The following DRD2 variants were observed in gnomAD, a reference collection of about 807,000 sequenced individuals.
DRD2 encodes the protein dopamine receptor D2, also known as D(2) dopamine receptor.
Under a neutral mutation model 38.0 loss-of-function variants are expected in DRD2, and 8 were observed. That is an observed-to-expected ratio of 0.21 (90% CI 0.12 to 0.38). The LOEUF (loss-of-function observed/expected upper bound fraction) is 0.38, where lower values mean the gene tolerates loss of function less well. Among genes scored for constraint, DRD2 ranks in the 10% least tolerant of loss-of-function variants. The pLI, the probability that DRD2 is intolerant of heterozygous loss-of-function variation, is 1.00. For synonymous variants in DRD2, 230 were observed against 238.6 expected (o/e 0.96, Z 0.33); for missense variants, 403 against 607.7 (o/e 0.66, Z 3.54).
chr11:113,442,928 C>T (rs892192872), intron 1 of DRD2, among the ~76,000 whole-genome samples: 5 of 152,232 alleles, frequency 3.3e-5, no homozygotes, highest in South Asian at 2.1e-4. Flanking sequence ...CTGGGCTCCC[C>T]GAGGGAAGGC....
chr11:113,455,528 C>T (rs1315406451), intron 1 of DRD2, among the ~76,000 whole-genome samples: 1 of 152,068 alleles, frequency 6.6e-6, no homozygotes, highest in African/African-American at 2.4e-5. Flanking sequence ...ATTTGCAAAT[C>T]ATACATCAGA....
At chr11:113,417,073 A>G (rs1950834845) in intron 3 of DRD2, 74 bp from the exon 4 acceptor site, 2 of 1,570,306 alleles carry the variant, frequency 1.3e-6, no homozygotes, top group Admixed American at 1.8e-5. Context: ...CACACACCAG[A>G]GACACCCTCA....
At chr11:113,424,220 G>T in intron 2 of DRD2, 147 bp downstream of exon 2, 1 of 807,914 alleles carries the variant, frequency 1.2e-6, no homozygotes, top group Non-Finnish European at 2.0e-6. Context: ...TTCGTAAGGA[G>T]AAAAAGTAAG....
chr11:113,413,483 C>G, intron 6 of DRD2: 1 of 414,866 alleles, frequency 2.4e-6, no homozygotes. Context: ...CTGGGTTCTT[C>G]CATAGGTTCT....
chr11:113,413,285 CCT>C (rs1950788190), intron 6 of DRD2: 1 of 551,456 alleles, frequency 1.8e-6, no homozygotes, highest in African/African-American at 1.9e-5. Context: ...GGTGCCCACC[CCT>C]GTTCTCCCTG....
At position 113,414,758 on chromosome 11, in the gene DRD2, G is replaced by A. The variant is rs548649961; in HGVS notation, c.724-297C>T. Among the ~76,000 whole-genome samples, 25 of 152,328 alleles carry A rather than the reference G, an allele frequency of 1.6e-4. No individual in the cohort carries two copies. In the South Asian group the frequency reaches 5.2e-3, roughly 32 times the overall value. On this transcript the variant is annotated intron_variant, in intron 5 of 7. Coordinates refer to ENST00000362072, the MANE Select transcript of DRD2 (RefSeq NM_000795.4). ...TGGAATCCTCAAGACCACCCTGTGA[G>A]GCTGGTATTTTGATTCCCATTTAAC...
intron 1 of DRD2, among the ~76,000 whole-genome samples, chr11:113,462,821 C>T (rs571112680): frequency 6.6e-6 from 1 of 152,354 alleles, no homozygotes; most frequent in Admixed American, 6.5e-5. Context: ...CTCATTCACT[C>T]CTTCATCTAT....
intron 1 of DRD2, among the ~76,000 whole-genome samples, chr11:113,448,795 G>A (rs962020075): frequency 2.3e-4 from 35 of 152,316 alleles, no homozygotes; most frequent in Middle Eastern, 6.8e-3. Context: ...CTCTAAAGGA[G>A]CTGCACCACA....
chr11:113,439,952 T>G (rs1289112677), intron 1 of DRD2, among the ~76,000 whole-genome samples: 1 of 145,730 alleles, frequency 6.9e-6, no homozygotes, highest in Non-Finnish European at 1.5e-5. Flanking sequence ...AGGATTGCAA[T>G]TAAGGTCTCT....
At chr11:113,459,487 A>G (rs1951297225) in intron 1 of DRD2, among the ~76,000 whole-genome samples, 1 of 152,220 alleles carries the variant, frequency 6.6e-6, no homozygotes, top group African/African-American at 2.4e-5. Context: ...TAGATGACAG[A>G]ACTGAGACTA....
chr11:113,425,898 G>A (rs1052384703), intron 1 of DRD2, among the ~76,000 whole-genome samples: 10 of 152,218 alleles, frequency 6.6e-5, no homozygotes, highest in Middle Eastern at 3.4e-3. Context: ...TGGCAGTAAC[G>A]TTGAGGATAA....
intron 1 of DRD2, among the ~76,000 whole-genome samples, chr11:113,471,630 C>T (rs1022620201): frequency 6.6e-6 from 1 of 152,132 alleles, no homozygotes. Context: ...AGCAGAGTAC[C>T]TGGTAGGATG....
chr11:113,441,113 T>G lies in DRD2; in HGVS notation c.-31-16431A>C, dbSNP rs533047284. On this transcript the variant is annotated intron_variant, in intron 1 of 7. Coordinates refer to ENST00000362072, the MANE Select transcript of DRD2 (RefSeq NM_000795.4). ...CAGGGATCAGTTCAAGCTGCCAAGT[T>G]TGTGCAAATAACCCTCCAATGGATG... 2.0e-5 allele frequency among the ~76,000 whole-genome samples: 3 copies of G among 152,258 alleles called. No homozygotes were observed. In the South Asian group the frequency reaches 6.2e-4, roughly 32 times the overall value.
Position 113,432,596 on chromosome 11 carries a change from G to A in DRD2, c.-31-7914C>T, listed in dbSNP as rs1319199649. 4.6e-5 allele frequency among the ~76,000 whole-genome samples: 7 copies of A among 152,266 alleles called. No homozygotes were observed. The South Asian group carries it at 1.2e-3, about 27-fold the overall frequency. On this transcript the variant is annotated intron_variant, in intron 1 of 7. Coordinates refer to ENST00000362072, the MANE Select transcript of DRD2 (RefSeq NM_000795.4). The stretch of plus-strand genomic sequence containing the variant: ...ATCATTTTTTCCTCTTTTCTGAGAT[G>A]CAAAGCATTTCAATGAAAAAGTAGA...
At chr11:113,438,985 C>T (rs1951062852) in intron 1 of DRD2, among the ~76,000 whole-genome samples, 1 of 152,218 alleles carries the variant, frequency 6.6e-6, no homozygotes, top group Non-Finnish European at 1.5e-5. Context: ...TGAGAGCTGT[C>T]AGACCTAATT....
intron 1 of DRD2, among the ~76,000 whole-genome samples, chr11:113,462,541 A>C (rs1951333045): frequency 6.6e-6 from 1 of 152,174 alleles, no homozygotes; most frequent in Non-Finnish European, 1.5e-5. Context: ...GAGCGCCAGG[A>C]GCCATGGGGA....
rs1269225476 is a variant in DRD2 at position 113,424,285 on chromosome 11, G to A, written c.285+82C>T. 3.4e-6 allele frequency: 5 copies of A among 1,490,954 alleles called. No homozygotes were observed. The East Asian group carries it at 9.7e-5, about 29-fold the overall frequency. 92.4% of individuals were successfully genotyped at this position (1,490,954 alleles called of 1,614,324 possible). A position where few individuals can be genotyped will look rare whatever the true frequency, so the allele number is the denominator to read the frequency against. On this transcript the variant is annotated intron_variant, in intron 2 of 7. Transcript: ENST00000362072. ...AGCACCAGGAAACTCATTGGTAAAA[G>A]CCAGTGGGGAGCTAGAGTCCCCAGT...
At chr11:113,417,985 G>T (rs200503273) in intron 3 of DRD2, 42 bp downstream of exon 3, 2 of 1,545,748 alleles carry the variant, frequency 1.3e-6, no homozygotes, top group Admixed American at 3.4e-5. Flanking sequence ...AGCCAGAATG[G>T]TGAGTGGCCA....
At chr11:113,418,428 G>T (rs1053426657) in intron 2 of DRD2, among the ~76,000 whole-genome samples, 5 of 152,166 alleles carry the variant, frequency 3.3e-5, no homozygotes, top group African/African-American at 1.2e-4. Context: ...TGCAACCTTT[G>T]TTAACCCCAT....
Sources: allele counts gnomAD v4.1 joint callset (sites outside exome capture counted in the v4.1 genomes callset), GRCh38; gene constraint gnomAD v4.1.1; transcripts MANE v1.5; gene names NCBI Gene and HGNC (gene_info 2026-07-23, HGNC 2026-07-21).